Variants in SAMMSON observed in about 807,000 individuals in gnomAD.
The protein encoded by SAMMSON is long intergenic non-protein coding RNA 1212.
At chr3:70,248,619 C>A (rs1701730984) in intron 4 of SAMMSON, among the ~76,000 whole-genome samples, 1 of 151,942 alleles carries the variant, frequency 6.6e-6, no homozygotes, top group Non-Finnish European at 1.5e-5. Context: ...ATTAGAAGAG[C>A]AATATTTAGG....
intron 6 of SAMMSON, among the ~76,000 whole-genome samples, chr3:70,268,925 C>A (rs1701949505): frequency 6.6e-6 from 1 of 151,928 alleles, no homozygotes; most frequent in Admixed American, 6.5e-5. Flanking sequence ...TAATAACTGA[C>A]AATGGAAGCA....
intron 6 of SAMMSON, among the ~76,000 whole-genome samples, chr3:70,260,760 C>T (rs1701858781): frequency 6.6e-6 from 1 of 151,908 alleles, no homozygotes; most frequent in Non-Finnish European, 1.5e-5. Flanking sequence ...GTAATGAACT[C>T]ACTTCTCAAT....
chr3:70,156,454 C>G (rs1025957091), intron 4 of SAMMSON, among the ~76,000 whole-genome samples: 5 of 152,016 alleles, frequency 3.3e-5, no homozygotes, highest in Non-Finnish European at 7.4e-5. Context: ...TGCTCCAAGT[C>G]TCCAACTGGG....
chr3:70,384,193 T>C (rs1037625447), intron 9 of SAMMSON, among the ~76,000 whole-genome samples: 3 of 152,090 alleles, frequency 2.0e-5, no homozygotes, highest in African/African-American at 7.2e-5. Context: ...TAATCAATCC[T>C]TTTCAGTTAA....
intron 1 of SAMMSON, among the ~76,000 whole-genome samples, chr3:70,003,031 ATGT>A (rs1378321083): frequency 2.6e-5 from 4 of 152,106 alleles, no homozygotes; most frequent in Non-Finnish European, 5.9e-5. Context: ...TTTTGAGGTT[ATGT>A]TGTTAGGTGC....
chr3:70,248,421 G>C (rs1237798349), intron 4 of SAMMSON, among the ~76,000 whole-genome samples: 1 of 152,078 alleles, frequency 6.6e-6, no homozygotes, highest in Middle Eastern at 3.2e-3. Flanking sequence ...AGAATTAGAA[G>C]CACACTGGTT....
intron 1 of SAMMSON, among the ~76,000 whole-genome samples, chr3:70,004,210 A>G (rs564722074): frequency 1.3e-5 from 2 of 152,306 alleles, no homozygotes; most frequent in East Asian, 1.9e-4. Context: ...TAAAGTTAGT[A>G]AAGTTAGTAA....
chr3:70,230,987 T>G (rs1396729080), intron 4 of SAMMSON, among the ~76,000 whole-genome samples: 1 of 152,232 alleles, frequency 6.6e-6, no homozygotes, highest in Non-Finnish European at 1.5e-5. Flanking sequence ...TCCAGGATGC[T>G]GCACTGACCC....
intron 4 of SAMMSON, among the ~76,000 whole-genome samples, chr3:70,227,153 TACA>T (rs1701515990): frequency 6.6e-6 from 1 of 152,216 alleles, no homozygotes; most frequent in Non-Finnish European, 1.5e-5. Flanking sequence ...AAAGCAGGAC[TACA>T]ACAAGATCAT....
At chr3:70,018,874 C>T (rs1293083733) in intron 3 of SAMMSON, among the ~76,000 whole-genome samples, 2 of 152,304 alleles carry the variant, frequency 1.3e-5, no homozygotes, top group East Asian at 3.9e-4. Context: ...TGTTCAGTTT[C>T]CATGTAGTTG....
In SAMMSON at chr3:70,007,931, A is replaced by G. The variant is rs375438290; in HGVS notation, n.23-4426A>G. Among the ~76,000 whole-genome samples, 15 of 151,774 alleles carry G rather than the reference A, an allele frequency of 9.9e-5. No individual in the cohort carries two copies. In the East Asian group the frequency reaches 2.9e-3, roughly 29 times the overall value. Reference sequence around the variant, plus strand: ...CCTTTCCCCATTTCTTTTTTTTGTCAGGTTGTCAAAGATCAGATGGTTGTA... The same window carrying G: ...CCTTTCCCCATTTCTTTTTTTTGTCGGGTTGTCAAAGATCAGATGGTTGTA... On this transcript the variant is annotated intron_variant and non_coding_transcript_variant, in intron 1 of 9. Coordinates refer to ENST00000642114, the Ensembl canonical transcript of SAMMSON.
At chr3:70,061,903 C>A (rs970551020) in intron 3 of SAMMSON, among the ~76,000 whole-genome samples, 2 of 152,112 alleles carry the variant, frequency 1.3e-5, no homozygotes, top group Non-Finnish European at 2.9e-5. Flanking sequence ...TTGACTCATT[C>A]ATTTTGTTGA....
chr3:70,270,660 T>C (rs567371578), intron 6 of SAMMSON, among the ~76,000 whole-genome samples: 87 of 152,278 alleles, frequency 5.7e-4, no homozygotes, highest in Admixed American at 2.4e-3. Context: ...ATCTTTAATA[T>C]ATTAAAATTG....
rs1339852455 is a variant in SAMMSON at position 70,288,121 on chromosome 3, T to G, written n.675-3058T>G. On this transcript the variant is annotated intron_variant and non_coding_transcript_variant, in intron 6 of 9. Coordinates refer to ENST00000642114, the Ensembl canonical transcript of SAMMSON. ...GCTAGCTTTTGAATGTGTTTGCTCTTGCTTTTCTAGTTCTTTTAATTGTGA... is the reference window on the plus strand; with the variant it reads ...GCTAGCTTTTGAATGTGTTTGCTCTGGCTTTTCTAGTTCTTTTAATTGTGA... 2.2e-3 allele frequency among the ~76,000 whole-genome samples: 317 copies of G among 146,538 alleles called. 3 individuals are homozygous for G. Among genetic ancestry groups the G allele is most frequent in the African/African-American group, 7.7e-3 (302 of 39,442 alleles).
At chr3:70,165,760 C>G (rs139450473) in intron 4 of SAMMSON, among the ~76,000 whole-genome samples, 2 of 151,960 alleles carry the variant, frequency 1.3e-5, no homozygotes, top group African/African-American at 4.8e-5. Flanking sequence ...TTTTAAAGTT[C>G]TTGCTCATCA....
Position 70,261,793 on chromosome 3 carries a change from A to T in SAMMSON, n.674+12123A>T, listed in dbSNP as rs117887965. Among the ~76,000 whole-genome samples, 37 of 152,252 alleles carry T rather than the reference A, an allele frequency of 2.4e-4. No individual in the cohort carries two copies. The East Asian group carries it at 7.0e-3, about 29-fold the overall frequency. ...ACCTCAAATAGCATTTGAAACCAAGATTTCCTCCCCGTGGAACCAAGAAGA... is the reference window on the plus strand; with the variant it reads ...ACCTCAAATAGCATTTGAAACCAAGTTTTCCTCCCCGTGGAACCAAGAAGA... On this transcript the variant is annotated intron_variant and non_coding_transcript_variant, in intron 6 of 9. Transcript: ENST00000642114.
At chr3:70,180,001 C>T (rs1212790333) in intron 4 of SAMMSON, among the ~76,000 whole-genome samples, 3 of 73,094 alleles carry the variant, frequency 4.1e-5, no homozygotes, top group Non-Finnish European at 2.6e-5. Context: ...ACCTGTGCTT[C>T]GTATGTGTGT....
At chr3:70,272,825 T>A (rs115691069) in intron 6 of SAMMSON, among the ~76,000 whole-genome samples, 37 of 152,336 alleles carry the variant, frequency 2.4e-4, no homozygotes, top group African/African-American at 8.2e-4. Flanking sequence ...AGTTAGAATT[T>A]TCTTTCGGCA....
chr3:70,116,867 A>C (rs1186877502), intron 4 of SAMMSON, among the ~76,000 whole-genome samples: 2 of 152,204 alleles, frequency 1.3e-5, no homozygotes, highest in Admixed American at 1.3e-4. Flanking sequence ...TTTTTAGATG[A>C]GATTCACTAA....
Sources: allele counts gnomAD v4.1 joint callset (sites outside exome capture counted in the v4.1 genomes callset), GRCh38; gene constraint gnomAD v4.1.1; transcripts MANE v1.5; gene names NCBI Gene and HGNC (gene_info 2026-07-23, HGNC 2026-07-21).